TTN: variants seen among roughly 807,000 people sequenced by gnomAD.
TTN encodes the protein titin.
TTN carries 1,525 observed loss-of-function variants against 3,223.0 expected under a neutral mutation model. The ratio of observed to expected loss-of-function variants is 0.47; its 90% confidence interval spans 0.45 to 0.49. TTN has a LOEUF of 0.49. TTN is among the 20% of genes least tolerant of loss of function. The pLI is 0.00. For synonymous variants in TTN, 14,094 were observed against 15,161.0 expected, an observed-to-expected ratio of 0.93 and a Z score of 5.17; for missense variants, 40,786 against 43,424.0, an observed-to-expected ratio of 0.94 and a Z score of 5.40.
At position 178,609,541 on chromosome 2, in the gene TTN, G is replaced by A. The variant is rs1576391726; in HGVS notation, c.51769C>T (p.Leu17257=). 1.2e-6 allele frequency: 2 copies of A among 1,610,400 alleles called. No individual in the cohort carries two copies. The highest frequency in any genetic ancestry group is 2.2e-5 in the South Asian group (2 of 90,634). ...ATTTCATCACCTCGTTTCACTTCTA[G>A]GCTTGTTCTCAGAATGACTTTGGGG... is the stretch of plus-strand genomic sequence containing the variant. ...DAPKVILRTS[L]EVKRGDEIAL... The change falls in exon 273 of 363, where the codon CTA becomes TTA. Residue 17257 remains leucine, a synonymous_variant. Coordinates refer to ENST00000589042, the MANE Select transcript of TTN (RefSeq NM_001267550.2).
chr2:178,688,271 A>G (rs1195942924), intron 126 of TTN, 47 bp from the exon 127 acceptor site: 2 of 1,523,506 alleles, frequency 1.3e-6, no homozygotes, highest in Middle Eastern at 1.7e-4. Context: ...TGAGATACAG[A>G]TGTATATACA....
intron 28 of TTN, 53 bp from the exon 29 acceptor site, chr2:178,775,255 T>C (rs2092089248): frequency 6.2e-7 from 1 of 1,612,802 alleles, no homozygotes; most frequent in Admixed American, 1.7e-5. Flanking sequence ...TTAAATTAAA[T>C]TCTCAACCTG....
intron 316 of TTN, 123 bp downstream of exon 316, chr2:178,581,376 T>C: frequency 1.4e-6 from 1 of 710,294 alleles, no homozygotes. Context: ...TCCTAAAAAG[T>C]ACTCTTGGAG....
In TTN at chr2:178,619,646, T is replaced by G; in HGVS notation, c.46671A>C (p.Glu15557Asp). ...CTGCCAGTTCAAGCTTAGCTCTGGC[T>G]TCTTTGTCTTTGGCAATAAATCTGT... ...GEYRFIAKDK[E>D]ARAKLELAAA... The change falls in exon 250 of 363, where the codon GAA (glutamate) becomes GAC (aspartate). Residue 15557 changes from glutamate (E) to aspartate (D), a missense_variant. By Grantham distance (45) the Glu-to-Asp change is conservative. Coordinates refer to ENST00000589042, the MANE Select transcript of TTN (RefSeq NM_001267550.2). 1 of 1,612,002 alleles carries G rather than the reference T, an allele frequency of 6.2e-7. No individual in the cohort carries two copies.
Position 178,527,021 on chromosome 2 carries a change from T to A in TTN, c.107967A>T (p.Arg35989=), listed in dbSNP as rs1558952351. 1.2e-6 allele frequency: 2 copies of A among 1,611,534 alleles called. No individual in the cohort carries two copies. The highest frequency in any genetic ancestry group is 8.5e-7 in the Non-Finnish European group (1 of 1,178,200). Residue 35989 remains arginine, a synonymous_variant, in exon 363 of 363, where the codon CGA becomes CGT. Coordinates refer to ENST00000589042, the MANE Select transcript of TTN (RefSeq NM_001267550.2). ...AAGGGCACAGGCCCTCTTAAATGGA[T>A]CGAATATGTATATTCACAGTGGCAG... ...SDSATVNIHI[R]SI
In TTN at chr2:178,793,401, CA is replaced by C; in HGVS notation, c.1536+2del. 6.2e-7 allele frequency: 1 copy of C among 1,614,032 alleles called. No individual in the cohort carries two copies. Among genetic ancestry groups the C allele is most frequent in the Middle Eastern group, 1.6e-4 (1 of 6,062 alleles). On this transcript the variant is annotated splice_donor_variant, in intron 9 of 362. Coordinates refer to ENST00000589042, the MANE Select transcript of TTN (RefSeq NM_001267550.2). LOFTEE classifies it high-confidence loss of function. ...TGAATTTAAAATACAAACCCATTTT[CA>C]CCTGCTCATGAGTTACGTGCATCTG...
chr2:178,559,109 A>G, intron 326 of TTN: 1 of 439,098 alleles, frequency 2.3e-6, no homozygotes, highest in Non-Finnish European at 4.0e-6. Context: ...ATCCAATTTT[A>G]GCTACGTAAA....
chr2:178,618,926 T>A, intron 250 of TTN, 73 bp from the exon 251 acceptor site: 1 of 1,533,980 alleles, frequency 6.5e-7, no homozygotes, highest in Non-Finnish European at 8.7e-7. Context: ...TATTATGCAT[T>A]TATTAGAAAA....
rs55940667 is a variant in TTN, at chr2:178,556,971, A to G, written c.88183T>C (p.Phe29395Leu). Residue 29395 changes from phenylalanine to leucine, a missense_variant, in exon 330 of 363, where the codon TTC (phenylalanine) becomes CTC (leucine). By Grantham distance (22) the Phe-to-Leu change is conservative. Coordinates refer to ENST00000589042, the MANE Select transcript of TTN (RefSeq NM_001267550.2). Reference protein sequence around the residue: ...ASFTNVTETQFIISGLTQNSQ... With the variant: ...ASFTNVTETQLIISGLTQNSQ... The stretch of plus-strand genomic sequence containing the variant: ...TTCTGAGTCAAGCCAGAGATGATGA[A>G]TTGAGTTTCAGTAACATTGGTGAAG... 59 of 1,613,824 alleles carry G rather than the reference A, an allele frequency of 3.7e-5. No homozygotes were observed. The East Asian group carries it at 1.0e-3, about 29-fold the overall frequency.
Position 178,663,849 on chromosome 2 carries a change from G to A in TTN, c.36418C>T (p.Pro12140Ser), listed in dbSNP as rs1225570991. ...IREEKVPLAP[P>S]KEPEVPPVKV... ...ACAGGTGGGACTTCAGGCTCTTTAGGAGGAGCCAAGGGCACTTTCTCTTCG... is the reference window on the plus strand; with the variant it reads ...ACAGGTGGGACTTCAGGCTCTTTAGAAGGAGCCAAGGGCACTTTCTCTTCG... Residue 12140 changes from proline (P) to serine (S), a missense_variant, in exon 170 of 363, where the codon CCT becomes TCT. Pro to Ser is a moderately conservative substitution (Grantham distance 74). Transcript: ENST00000589042. 6.2e-7 allele frequency: 1 copy of A among 1,613,310 alleles called. No individual in the cohort carries two copies. The highest frequency in any genetic ancestry group is 1.7e-5 in the Admixed American group (1 of 59,982).
At chr2:178,749,173 A>G (rs989649120) in intron 47 of TTN, 4 of 1,611,528 alleles carry the variant, frequency 2.5e-6, no homozygotes, top group Non-Finnish European at 3.4e-6. Flanking sequence ...ATTCTTGTAC[A>G]TTTTCCTTTT....
In TTN at chr2:178,579,029, A is replaced by AG; in HGVS notation, c.68000dup (p.Pro22668SerfsTer4). ...TTTCAGAACCTCCATCATCCTTTGG[A>AG]GGAGCCCACTTTAAGGTCATGGCTT... is the stretch of plus-strand genomic sequence containing the variant. On this transcript the variant is annotated frameshift_variant, in exon 320 of 363. Transcript: ENST00000589042. LOFTEE classifies it high-confidence loss of function. 6.2e-7 allele frequency: 1 copy of AG among 1,613,230 alleles called. No homozygotes were observed. Among genetic ancestry groups the AG allele is most frequent in the Non-Finnish European group, 8.5e-7 (1 of 1,179,518 alleles).
chr2:178,757,518 T>C (rs780920661), intron 45 of TTN, 24 bp downstream of exon 45: 1 of 1,518,490 alleles, frequency 6.6e-7, no homozygotes, highest in South Asian at 1.4e-5. Context: ...CAAATCAAAG[T>C]CCTTGAAGCA....
chr2:178,741,561 G>T lies in TTN; in HGVS notation c.11672C>A (p.Thr3891Lys). 1.9e-6 allele frequency: 3 copies of T among 1,613,798 alleles called. No individual in the cohort carries two copies. The highest frequency in any genetic ancestry group is 2.5e-6 in the Non-Finnish European group (3 of 1,179,810). The change falls in exon 48 of 363, where the codon ACA (threonine) becomes AAA (lysine). Residue 3891 changes from threonine (T) to lysine (K), a missense_variant. By Grantham distance (78) the Thr-to-Lys change is moderately conservative. Coordinates refer to ENST00000589042, the MANE Select transcript of TTN (RefSeq NM_001267550.2). ...FTKLEDEGEY[T>K]CMASNDYGKT... ...TCCATAGTCATTACTGGCCATACAT[G>T]TATACTCTCCCTCATCCTCCAATTT...
intron 33 of TTN, among the ~76,000 whole-genome samples, chr2:178,772,702 T>C (rs926777928): frequency 4.6e-5 from 7 of 152,322 alleles, no homozygotes; most frequent in Admixed American, 1.3e-4. Context: ...CAAACACCAA[T>C]TGATTATCTG....
chr2:178,800,714 A>G, intron 3 of TTN, 32 bp from the exon 4 acceptor site: 1 of 1,584,932 alleles, frequency 6.3e-7, no homozygotes, highest in Non-Finnish European at 8.6e-7. Flanking sequence ...GTCAAGAGTG[A>G]GAGCCAGGGT....
chr2:178,541,140 A>C lies in TTN; in HGVS notation c.97795+142T>G, dbSNP rs143786119. Reference sequence around the variant, plus strand: ...ACAAGGGAACTTTACGGGGTAATAAAAATATTCCACATTTTGATTGTGGTG... The same window carrying C: ...ACAAGGGAACTTTACGGGGTAATAACAATATTCCACATTTTGATTGTGGTG... On this transcript the variant is annotated intron_variant, in intron 350 of 362. Transcript: ENST00000589042. The C allele has an allele frequency of 1.3e-5, 11 of 858,214 alleles. No individual in the cohort carries two copies. In the African/African-American group the frequency reaches 1.7e-4, roughly 13 times the overall value. The allele number at this position is 858,214 out of a possible 1,614,324, so 53.2% of individuals were successfully genotyped here. A position where few individuals can be genotyped will look rare whatever the true frequency, so the allele number is the denominator to read the frequency against.
At position 178,689,075 on chromosome 2, in the gene TTN, A is replaced by G; in HGVS notation, c.32073T>C (p.Ala10691=). 6.3e-7 allele frequency: 1 copy of G among 1,581,804 alleles called. No individual in the cohort carries two copies. The highest frequency in any genetic ancestry group is 8.5e-7 in the Non-Finnish European group (1 of 1,170,632). ...EEKVAVPVPV[A]KKAPPPRAEV... ...TACCTCGGGGAGGAGGAGCTTTCTT[A>G]GCGACAGGAACTGGCACTGCAACTT... Residue 10691 remains alanine, a synonymous_variant, in exon 125 of 363, where the codon GCT becomes GCC. Coordinates refer to ENST00000589042, the MANE Select transcript of TTN (RefSeq NM_001267550.2).
chr2:178,654,173 T>C (rs748933124), intron 193 of TTN, 35 bp downstream of exon 193: 38 of 1,585,958 alleles, frequency 2.4e-5, no homozygotes, highest in Non-Finnish European at 3.1e-5. Context: ...GTACAGACAG[T>C]AAGTTATTCT....
Sources: gnomAD v4.1 joint callset for allele counts (sites outside exome capture counted in the v4.1 genomes callset) on GRCh38, gnomAD v4.1.1 for gene constraint, MANE v1.5 for transcripts, NCBI Gene and HGNC (gene_info 2026-07-23, HGNC 2026-07-21) for gene names.